PVT1: variants seen among roughly 807,000 people sequenced by gnomAD.
The protein encoded by PVT1 is CXCR4/PVT1 fusion.
chr8:127,827,352 C>G (rs1196872095), intron 2 of PVT1, among the ~76,000 whole-genome samples: 1 of 152,124 alleles, frequency 6.6e-6, no homozygotes. Context: ...TGCTGGCCTC[C>G]CAGTCTGTCT....
intron 3 of PVT1, chr8:127,891,118 C>T (rs959005601): frequency 3.9e-5 from 6 of 152,256 alleles, no homozygotes; most frequent in African/African-American, 1.4e-4. Context: ...CTGGGGGAGA[C>T]AGATGGAACT....
intron 2 of PVT1, among the ~76,000 whole-genome samples, chr8:127,801,993 G>T (rs1422971356): frequency 7.9e-5 from 12 of 151,820 alleles, no homozygotes; most frequent in Non-Finnish European, 1.8e-4. Flanking sequence ...TCGGCTCATT[G>T]CAACTTCCGC....
At chr8:127,812,164 G>A (rs147529567) in intron 2 of PVT1, among the ~76,000 whole-genome samples, 3,010 of 144,296 alleles carry the variant, frequency 0.021, 55 homozygotes, top group Non-Finnish European at 0.034. Flanking sequence ...GAGGGGAGGG[G>A]AGGGGAAGAG....
At chr8:127,876,422 A>ATTTTTTAATTTTTTTAATTATT (rs1554593558) in intron 2 of PVT1, among the ~76,000 whole-genome samples, 1,550 of 151,238 alleles carry the variant, frequency 0.01, 28 homozygotes, top group African/African-American at 0.036. Context: ...TATTTTTTTA[A>ATTTTTTAATTTTTTTAATTATT]TTATTTTATT....
intron 3 of PVT1, among the ~76,000 whole-genome samples, chr8:127,935,670 C>T (rs181615363): frequency 7.9e-5 from 12 of 152,210 alleles, no homozygotes; most frequent in Non-Finnish European, 1.5e-4. Context: ...GTTGCACAAT[C>T]GTGGGAGGTT....
intron 4 of PVT1, among the ~76,000 whole-genome samples, chr8:128,014,136 G>A (rs546316552): frequency 5.5e-4 from 83 of 152,286 alleles, no homozygotes; most frequent in Non-Finnish European, 9.8e-4. Context: ...GCTCTGTTTC[G>A]TCAAGGTGAG....
chr8:127,954,247 CTTG>C (rs970962538), intron 3 of PVT1, among the ~76,000 whole-genome samples: 8 of 148,560 alleles, frequency 5.4e-5, no homozygotes, highest in African/African-American at 2.0e-4. Flanking sequence ...ATGAAATTGT[CTTG>C]TTGTGGTTGT....
At chr8:127,885,778 C>T (rs1164420377) in intron 2 of PVT1, among the ~76,000 whole-genome samples, 1 of 152,120 alleles carries the variant, frequency 6.6e-6, no homozygotes, top group Non-Finnish European at 1.5e-5. Context: ...AAAACATTTC[C>T]CCAGAGTAAG....
intron 4 of PVT1, among the ~76,000 whole-genome samples, chr8:128,003,617 G>A (rs1247509323): frequency 6.6e-6 from 1 of 152,228 alleles, no homozygotes. Flanking sequence ...ACGGGTGTGC[G>A]CCATTGCGCC....
At chr8:127,876,919 G>A (rs186952651) in intron 2 of PVT1, among the ~76,000 whole-genome samples, 3 of 152,324 alleles carry the variant, frequency 2.0e-5, no homozygotes, top group Non-Finnish European at 4.4e-5. Context: ...ATGTGCCTGC[G>A]TGACTTGAGT....
chr8:127,919,122 C>G (rs944843005), intron 3 of PVT1, among the ~76,000 whole-genome samples: 3 of 152,184 alleles, frequency 2.0e-5, no homozygotes, highest in Middle Eastern at 3.2e-3. Context: ...GCCTGGCCAG[C>G]CCTCAGCTTC....
chr8:127,856,181 G>A (rs1815157790), intron 2 of PVT1, among the ~76,000 whole-genome samples: 1 of 151,962 alleles, frequency 6.6e-6, no homozygotes, highest in African/African-American at 2.4e-5. Context: ...AAGGATGAGT[G>A]TCCTTTTGGT....
At chr8:128,044,015 ATTTTTT>A (rs763124076) in intron 4 of PVT1, among the ~76,000 whole-genome samples, 22 of 127,352 alleles carry the variant, frequency 1.7e-4, no homozygotes, top group African/African-American at 7.2e-4. Context: ...TTATTTATTT[ATTTTTT>A]TTTTTTTTTG....
chr8:128,068,299 T>G (rs75825533), intron 4 of PVT1, among the ~76,000 whole-genome samples: 2,408 of 152,232 alleles, frequency 0.016, 38 homozygotes, highest in South Asian at 0.036. Flanking sequence ...CAGGCCTGCC[T>G]ATATGAAAGA....
At chr8:127,835,077 C>A (rs1416244112) in intron 2 of PVT1, among the ~76,000 whole-genome samples, 1 of 152,048 alleles carries the variant, frequency 6.6e-6, no homozygotes, top group African/African-American at 2.4e-5. Flanking sequence ...ACCATTTGAC[C>A]CAGCAATCCA....
At chr8:128,021,484 A>G (rs773400449) in intron 4 of PVT1, among the ~76,000 whole-genome samples, 36 of 152,022 alleles carry the variant, frequency 2.4e-4, no homozygotes, top group Non-Finnish European at 2.8e-4. Context: ...TAGTAGAGAC[A>G]GGGTTTCACC....
chr8:127,873,948 T>C (rs556091231), intron 2 of PVT1, among the ~76,000 whole-genome samples: 1 of 152,340 alleles, frequency 6.6e-6, no homozygotes, highest in African/African-American at 2.4e-5. Context: ...TGAACATTAA[T>C]TGAGCACCAC....
At chr8:127,830,356 G>A (rs1814835748) in intron 2 of PVT1, among the ~76,000 whole-genome samples, 1 of 152,058 alleles carries the variant, frequency 6.6e-6, no homozygotes, top group Admixed American at 6.6e-5. Flanking sequence ...GGTTGGCTTG[G>A]CAGGTGGAGA....
intron 2 of PVT1, among the ~76,000 whole-genome samples, chr8:127,799,451 G>A (rs1335120634): frequency 6.6e-6 from 1 of 152,132 alleles, no homozygotes; most frequent in Non-Finnish European, 1.5e-5. Flanking sequence ...TGTCTTCAAG[G>A]AAACAAGATA....
Sources: gnomAD v4.1 joint callset for allele counts (sites outside exome capture counted in the v4.1 genomes callset) on GRCh38, gnomAD v4.1.1 for gene constraint, MANE v1.5 for transcripts, NCBI Gene and HGNC (gene_info 2026-07-23, HGNC 2026-07-21) for gene names.